Variants in MTAP observed in about 807,000 individuals in gnomAD.
MTAP encodes methylthioadenosine phosphorylase.
In MTAP, 33 loss-of-function variants were observed where a neutral mutation model predicts 33.6. The observed-to-expected ratio is 0.98, with a 90% CI of 0.74 to 1.31. The LOEUF (loss-of-function observed/expected upper bound fraction) is 1.31, where lower values mean the gene tolerates loss of function less well. Among genes scored for constraint, MTAP ranks in the 40% most tolerant of loss-of-function variants. MTAP has a pLI of 0.00. For missense variants in MTAP, 367 were observed against 360.0 expected, an observed-to-expected ratio of 1.02 and a Z score of -0.16; for synonymous variants, 148 against 125.7, an observed-to-expected ratio of 1.18 and a Z score of -1.19.
intron 6 of MTAP, among the ~76,000 whole-genome samples, chr9:21,857,354 C>G (rs1331485248): frequency 6.6e-6 from 1 of 152,166 alleles, no homozygotes; most frequent in African/African-American, 2.4e-5. Flanking sequence ...CCTGTCACTG[C>G]TTTGTGTTCC....
chr9:21,830,420 C>T (rs1467585933), intron 4 of MTAP, among the ~76,000 whole-genome samples: 1 of 152,154 alleles, frequency 6.6e-6, no homozygotes, highest in Non-Finnish European at 1.5e-5. Flanking sequence ...TTGATTAATC[C>T]ATTTCTTTTA....
intron 4 of MTAP, among the ~76,000 whole-genome samples, chr9:21,819,388 G>C (rs1340554293): frequency 6.6e-6 from 1 of 152,142 alleles, no homozygotes; most frequent in African/African-American, 2.4e-5. Context: ...AGAACATGCG[G>C]AGTTTGGTTT....
chr9:21,827,281 C>A (rs1824845907), intron 4 of MTAP, among the ~76,000 whole-genome samples: 1 of 152,208 alleles, frequency 6.6e-6, no homozygotes, highest in African/African-American at 2.4e-5. Flanking sequence ...TCAGTCCATG[C>A]TGCTCCTCCC....
chr9:21,932,617 G>T (rs1818980656), downstream of MTAP: 1 of 151,168 alleles, frequency 6.6e-6, no homozygotes, highest in African/African-American at 2.4e-5. Context: ...ACACCCCTAT[G>T]ATTGCACCCC....
chr9:21,874,357 T>C (rs986269881), intron 1 of MTAP, among the ~76,000 whole-genome samples: 1 of 152,226 alleles, frequency 6.6e-6, no homozygotes, highest in Non-Finnish European at 1.5e-5. Flanking sequence ...ATTTAGTGAC[T>C]ATTCAAAATT....
chr9:21,853,453 G>A (rs944254484), intron 5 of MTAP, among the ~76,000 whole-genome samples: 2 of 152,198 alleles, frequency 1.3e-5, no homozygotes, highest in East Asian at 1.9e-4. Context: ...TAAATTTTGA[G>A]TTGCCAAGAC....
intron 1 of MTAP, among the ~76,000 whole-genome samples, chr9:21,872,946 C>G (rs1825957911): frequency 6.6e-6 from 1 of 152,122 alleles, no homozygotes. Flanking sequence ...TCATGGTGTC[C>G]TGGCATGACA....
chr9:21,817,994 G>A (rs972546466), intron 3 of MTAP, 41 bp from the exon 4 acceptor site: 2 of 1,574,116 alleles, frequency 1.3e-6, no homozygotes, highest in Non-Finnish European at 1.7e-6. Context: ...AGTTGGTGGT[G>A]TACTCATCAC....
intron 1 of MTAP, chr9:21,811,722 C>T: frequency 5.6e-6 from 3 of 531,960 alleles, no homozygotes; most frequent in Non-Finnish European, 1.2e-5. Flanking sequence ...TTGCTTTCAG[C>T]CTCGGTGAAT....
intron 1 of MTAP, among the ~76,000 whole-genome samples, chr9:21,810,565 ACTCCTCTTAAAGGTACTAC>A (rs1824321040): frequency 6.6e-6 from 1 of 152,016 alleles, no homozygotes; most frequent in Non-Finnish European, 1.5e-5. Flanking sequence ...CATGACTCAA[ACTCCTCTTAAAGGTACTAC>A]CTCCCAGCAT....
chr9:21,898,460 A>G lies in MTAP; in HGVS notation c.148-32548A>G, dbSNP rs895966969. Among the ~76,000 whole-genome samples, 3 of 152,374 alleles carry G rather than the reference A, an allele frequency of 2.0e-5. No homozygotes were observed. In the South Asian group the frequency reaches 6.2e-4, roughly 32 times the overall value. On this transcript the variant is annotated intron_variant, in intron 1 of 1. Transcript: ENST00000577563. ...GTGAACAGGCAATCTATGGAATGGG[A>G]GAAAATTTTTACAATCTACCCATTT...
intron 1 of MTAP, among the ~76,000 whole-genome samples, chr9:21,906,787 A>C (rs1818485165): frequency 6.6e-6 from 1 of 152,254 alleles, no homozygotes; most frequent in Non-Finnish European, 1.5e-5. Context: ...GCAATTATTT[A>C]TGTCAGTAGC....
chr9:21,915,055 C>CCTTTCTTTCTTTCTTTCTTTCTTT lies in MTAP; in HGVS notation c.148-15947_148-15924dup, dbSNP rs1222666142. ...TCCTTCCTTCCTTCCTTCCTTCCTT[C>CCTTTCTTTCTTTCTTTCTTTCTTT]CTTTCTTTCTTTCTTTCTTTCTTTC... On this transcript the variant is annotated intron_variant, in intron 1 of 1. Transcript: ENST00000577563. Among the ~76,000 whole-genome samples the CCTTTCTTTCTTTCTTTCTTTCTTT allele has an allele frequency of 2.2e-3, 57 of 25,830 alleles. 1 individual carries two copies. The highest frequency in any genetic ancestry group is 8.6e-3 in the South Asian group (4 of 464). 16.9% of individuals were successfully genotyped at this position (25,830 alleles called of 152,430 possible). A position where few individuals can be genotyped will look rare whatever the true frequency, so the allele number is the denominator to read the frequency against.
chr9:21,863,207 T>G lies in MTAP; in HGVS notation c.*1193T>G. On this transcript the variant is annotated 3_prime_UTR_variant, in exon 8 of 8. Coordinates refer to ENST00000644715, the MANE Select transcript of MTAP (RefSeq NM_002451.4). ...TGATATTTTAAAAAGTAATGTTTGA[T>G]TCTCCTTTTTATGAGTTAAATTATT... 2 of 965,722 alleles carry G rather than the reference T, an allele frequency of 2.1e-6. No homozygotes were observed. The highest frequency in any genetic ancestry group is 2.5e-6 in the Non-Finnish European group (2 of 812,036). The allele number at this position is 965,722 out of a possible 1,614,324, so 59.8% of individuals were successfully genotyped here.
At chr9:21,850,862 G>T (rs1042542495) in intron 5 of MTAP, among the ~76,000 whole-genome samples, 2 of 152,190 alleles carry the variant, frequency 1.3e-5, no homozygotes, top group African/African-American at 4.8e-5. Context: ...GCTCAAGCAG[G>T]TCCTGAAGGC....
intron 1 of MTAP, among the ~76,000 whole-genome samples, chr9:21,888,799 A>G (rs976909776): frequency 6.6e-6 from 1 of 152,156 alleles, no homozygotes; most frequent in Non-Finnish European, 1.5e-5. Flanking sequence ...AACACCCAGG[A>G]AATTCGTCGC....
chr9:21,835,298 A>G (rs1254077993), intron 4 of MTAP, among the ~76,000 whole-genome samples: 1 of 152,122 alleles, frequency 6.6e-6, no homozygotes, highest in Non-Finnish European at 1.5e-5. Context: ...AAAACTTCAG[A>G]CCATAGCAGT....
At chr9:21,921,673 T>G (rs1359141081) in intron 1 of MTAP, among the ~76,000 whole-genome samples, 1 of 152,170 alleles carries the variant, frequency 6.6e-6, no homozygotes, top group Non-Finnish European at 1.5e-5. Flanking sequence ...AAAATATGCC[T>G]CTCTTAAAGA....
At chr9:21,845,156 AACATAAT>A (rs1825347647) in intron 5 of MTAP, among the ~76,000 whole-genome samples, 1 of 152,192 alleles carries the variant, frequency 6.6e-6, no homozygotes, top group South Asian at 2.1e-4. Context: ...ACTTCTGTTC[AACATAAT>A]ACAGGATGTC....
Sources: allele counts gnomAD v4.1 joint callset (sites outside exome capture counted in the v4.1 genomes callset), GRCh38; gene constraint gnomAD v4.1.1; transcripts MANE v1.5; gene names NCBI Gene and HGNC (gene_info 2026-07-23, HGNC 2026-07-21).